MMP16: variants seen among roughly 807,000 people sequenced by gnomAD.
MMP16 encodes matrix metallopeptidase 16, also known as matrix metalloproteinase-16.
A neutral mutation model predicts 67.8 loss-of-function variants in MMP16; 12 were observed. The ratio of observed to expected loss-of-function variants is 0.18; its 90% CI spans 0.11 to 0.29. The LOEUF (loss-of-function observed/expected upper bound fraction) is 0.29. MMP16 is among the 10% of genes least tolerant of loss of function. MMP16 has a pLI of 1.00. For synonymous variants in MMP16, 249 were observed against 255.9 expected (o/e 0.97, Z 0.26); for missense variants, 475 against 765.7 (o/e 0.62, Z 4.48).
chr8:88,167,571 T>C (rs1808734565), intron 4 of MMP16, 98 bp downstream of exon 4: 2 of 1,207,216 alleles, frequency 1.7e-6, no homozygotes, highest in South Asian at 1.7e-5. Context: ...TAAAAGTAAA[T>C]TTAGGATCTA....
chr8:88,129,459 A>G (rs998694882), intron 4 of MMP16, among the ~76,000 whole-genome samples: 1 of 151,694 alleles, frequency 6.6e-6, no homozygotes, highest in Non-Finnish European at 1.5e-5. Context: ...TAATACATAA[A>G]CAACAGCAAG....
In MMP16 at chr8:88,040,882, C is replaced by G. The variant is rs763076578; in HGVS notation, c.*579G>C. 6.6e-6 allele frequency: 1 copy of G among 152,500 alleles called. No homozygotes were observed. Among genetic ancestry groups the G allele is most frequent in the Non-Finnish European group, 1.5e-5 (1 of 68,048 alleles). The allele number at this position is 152,500 out of a possible 1,614,324, so 9.4% of individuals were successfully genotyped here. A position where few individuals can be genotyped will look rare whatever the true frequency, so the allele number is the denominator to read the frequency against. ...AAATCTCCCACCTGACAAAATGGTG[C>G]GTAGGAGACTATCCAAAGCAGTCAG... On this transcript the variant is annotated 3_prime_UTR_variant, in exon 10 of 10. Coordinates refer to ENST00000286614, the MANE Select transcript of MMP16 (RefSeq NM_005941.5).
At chr8:88,296,921 AAAAT>A (rs1268982938) in intron 1 of MMP16, among the ~76,000 whole-genome samples, 2 of 152,040 alleles carry the variant, frequency 1.3e-5, no homozygotes, top group African/African-American at 2.4e-5. Context: ...ACTCTATCTG[AAAAT>A]AAATAAATAA....
intron 1 of MMP16, among the ~76,000 whole-genome samples, chr8:88,272,506 C>A (rs554056549): frequency 7.9e-6 from 1 of 126,536 alleles, no homozygotes; most frequent in South Asian, 2.6e-4. Context: ...TAGGAGAGGG[C>A]TAAAACCTGA....
At chr8:88,070,869 G>GA (rs949483354) in intron 7 of MMP16, among the ~76,000 whole-genome samples, 1 of 151,962 alleles carries the variant, frequency 6.6e-6, no homozygotes, top group Admixed American at 6.6e-5. Flanking sequence ...TTTTCAGAAG[G>GA]AAAGATAAAT....
chr8:88,114,196 C>T (rs777517883), intron 6 of MMP16, among the ~76,000 whole-genome samples: 4 of 151,842 alleles, frequency 2.6e-5, no homozygotes, highest in Non-Finnish European at 5.9e-5. Context: ...ATCATTCAAT[C>T]ATGCTTTCTT....
chr8:88,302,339 A>G (rs761404756), intron 1 of MMP16, among the ~76,000 whole-genome samples: 2 of 152,156 alleles, frequency 1.3e-5, no homozygotes, highest in South Asian at 4.1e-4. Flanking sequence ...CCCCAAAATT[A>G]TTGCTTAAGG....
At chr8:88,304,991 AAC>A (rs1811191519) in intron 1 of MMP16, among the ~76,000 whole-genome samples, 1 of 152,196 alleles carries the variant, frequency 6.6e-6, no homozygotes, top group South Asian at 2.1e-4. Flanking sequence ...CCAATTAAAA[AAC>A]ACAGAATGAA....
chr8:88,060,713 C>A (rs1235753904), intron 7 of MMP16, among the ~76,000 whole-genome samples: 1 of 152,068 alleles, frequency 6.6e-6, no homozygotes, highest in Non-Finnish European at 1.5e-5. Flanking sequence ...AATCACAAGC[C>A]TGCCACCCAC....
At chr8:88,175,782 G>A (rs138860973) in intron 3 of MMP16, among the ~76,000 whole-genome samples, 201 of 152,270 alleles carry the variant, frequency 1.3e-3, no homozygotes, top group Non-Finnish European at 1.7e-3. Context: ...GAGGGACTCC[G>A]TGGGAGGTAA....
At chr8:88,241,093 T>C (rs1016328801) in intron 1 of MMP16, among the ~76,000 whole-genome samples, 1 of 151,860 alleles carries the variant, frequency 6.6e-6, no homozygotes, top group Middle Eastern at 3.4e-3. Context: ...TTTTTTTTTT[T>C]CTTAAATAGT....
chr8:88,067,764 A>G (rs986853945), intron 7 of MMP16, among the ~76,000 whole-genome samples: 5 of 152,152 alleles, frequency 3.3e-5, no homozygotes, highest in South Asian at 2.1e-4. Context: ...ATTCCTTTTT[A>G]TTGCTGAATA....
chr8:88,259,585 G>A lies in MMP16; in HGVS notation c.133-62279C>T, dbSNP rs142415853. Reference sequence around the variant, plus strand: ...CCTTATCCTTATGTTTAATAGCCAAGCAAAAAAATAAAAATAAAAATAAAA... The same window carrying A: ...CCTTATCCTTATGTTTAATAGCCAAACAAAAAAATAAAAATAAAAATAAAA... On this transcript the variant is annotated intron_variant, in intron 1 of 9. Coordinates refer to ENST00000286614, the MANE Select transcript of MMP16 (RefSeq NM_005941.5). Among the ~76,000 whole-genome samples the A allele has an allele frequency of 4.6e-4, 69 of 148,776 alleles. 1 individual carries two copies. The highest frequency in any genetic ancestry group is 1.5e-3 in the African/African-American group (62 of 40,398).
intron 4 of MMP16, among the ~76,000 whole-genome samples, chr8:88,166,688 CATATATAT>C (rs1166566212): frequency 0.081 from 4,714 of 58,332 alleles, 235 homozygotes; most frequent in African/African-American, 0.15. Context: ...CAAAAAATTA[CATATATAT>C]ATATATATAT....
chr8:88,327,473 G>A lies in MMP16; in HGVS notation c.-267C>T. On this transcript the variant is annotated 5_prime_UTR_variant, in exon 1 of 10. Coordinates refer to ENST00000286614, the MANE Select transcript of MMP16 (RefSeq NM_005941.5). ...GAACGTGGCGCCTAAGTTCACCGGC[G>A]GTTCCGGCTCAAAGAGCCTAGTCGC... 1 of 463,030 alleles carries A rather than the reference G, an allele frequency of 2.2e-6. No individual in the cohort carries two copies. Among genetic ancestry groups the A allele is most frequent in the Non-Finnish European group, 4.0e-6 (1 of 251,186 alleles). 28.7% of individuals were successfully genotyped at this position (463,030 alleles called of 1,614,324 possible).
chr8:88,283,020 G>T (rs1370880457), intron 1 of MMP16, among the ~76,000 whole-genome samples: 1 of 149,400 alleles, frequency 6.7e-6, no homozygotes, highest in African/African-American at 2.4e-5. Flanking sequence ...ATGGACTTTT[G>T]ATATAAGGGC....
At chr8:88,227,571 G>A (rs1289681631) in intron 1 of MMP16, among the ~76,000 whole-genome samples, 1 of 151,936 alleles carries the variant, frequency 6.6e-6, no homozygotes, top group African/African-American at 2.4e-5. Context: ...AGGCTCAGGC[G>A]ATGGTAATCC....
At chr8:88,127,166 G>C (rs1172204886) in intron 4 of MMP16, among the ~76,000 whole-genome samples, 1 of 151,886 alleles carries the variant, frequency 6.6e-6, no homozygotes, top group African/African-American at 2.4e-5. Flanking sequence ...GTGAGTGACA[G>C]AGTTGAGAAA....
intron 7 of MMP16, among the ~76,000 whole-genome samples, chr8:88,070,360 A>C (rs1013768628): frequency 5.3e-5 from 8 of 152,116 alleles, no homozygotes; most frequent in Non-Finnish European, 1.2e-4. Flanking sequence ...ATTCCCCACT[A>C]CTGAGGTAAG....
Sources: allele counts gnomAD v4.1 joint callset (sites outside exome capture counted in the v4.1 genomes callset), GRCh38; gene constraint gnomAD v4.1.1; transcripts MANE v1.5; gene names NCBI Gene and HGNC (gene_info 2026-07-23, HGNC 2026-07-21).